The following SAXO1 variants were observed in gnomAD, a reference collection of about 807,000 sequenced individuals.
SAXO1 encodes the protein 4930500O09Rik.
In SAXO1, 21 loss-of-function variants were observed where a neutral mutation model predicts 17.5. The observed-to-expected ratio is 1.20, with a 90% CI of 0.85 to 1.72. The LOEUF is 1.72. SAXO1 is among the 40% of genes most tolerant of loss of function. The pLI, the probability that SAXO1 is intolerant of heterozygous loss-of-function variation, is 0.00. For synonymous variants in SAXO1, 274 were observed against 216.5 expected, an observed-to-expected ratio of 1.27 and a Z score of -2.33; for missense variants, 843 against 596.0, an observed-to-expected ratio of 1.41 and a Z score of -4.32.
chr9:18,939,739 C>A (rs964221499), intron 3 of SAXO1, among the ~76,000 whole-genome samples: 1 of 151,860 alleles, frequency 6.6e-6, no homozygotes, highest in South Asian at 2.1e-4. Context: ...GGGTTTTTAT[C>A]GTAATAGGAT....
At chr9:19,037,505 A>G (rs1835970806), upstream of SAXO1, among the ~76,000 whole-genome samples, 1 of 152,200 alleles carries the variant, frequency 6.6e-6, no homozygotes, top group South Asian at 2.1e-4. Context: ...AGTAAGTCTC[A>G]CAAGTTCTGA....
chr9:19,040,486 T>C (rs968971678), intron 1 of SAXO1, among the ~76,000 whole-genome samples: 2 of 151,778 alleles, frequency 1.3e-5, no homozygotes, highest in Admixed American at 6.6e-5. Context: ...CTACTAAAAA[T>C]ACAAAAAATT....
At chr9:19,024,879 G>A (rs1352163379) in intron 1 of SAXO1, among the ~76,000 whole-genome samples, 2 of 152,038 alleles carry the variant, frequency 1.3e-5, no homozygotes, top group Admixed American at 6.5e-5. Context: ...ATCAATGGAG[G>A]GAATGACGTT....
At chr9:18,941,285 A>G (rs1831543913) in intron 3 of SAXO1, among the ~76,000 whole-genome samples, 1 of 143,324 alleles carries the variant, frequency 7.0e-6, no homozygotes, top group African/African-American at 2.7e-5. Context: ...GTCTCTGTCA[A>G]CAACTACTCA....
intron 2 of SAXO1, 91 bp downstream of exon 2, chr9:18,950,667 C>G: frequency 1.7e-6 from 2 of 1,151,234 alleles, no homozygotes. Context: ...TGCATTAGCA[C>G]TGCACATTAC....
intron 1 of SAXO1, among the ~76,000 whole-genome samples, chr9:19,040,979 A>C (rs941036893): frequency 2.1e-5 from 3 of 144,026 alleles, no homozygotes; most frequent in African/African-American, 8.6e-5. Context: ...AGGGCATCCA[A>C]ATTGGAAAAA....
intron 1 of SAXO1, among the ~76,000 whole-genome samples, chr9:18,999,130 T>C (rs1834137899): frequency 6.6e-6 from 1 of 152,240 alleles, no homozygotes; most frequent in South Asian, 2.1e-4. Flanking sequence ...GTAAATGGGC[T>C]AAATGCTCCA....
At chr9:18,966,273 T>G (rs1039884952) in intron 1 of SAXO1, among the ~76,000 whole-genome samples, 1 of 152,214 alleles carries the variant, frequency 6.6e-6, no homozygotes, top group Non-Finnish European at 1.5e-5. Context: ...TTCCTGAATT[T>G]GAATGTTGGC....
At chr9:19,022,569 G>C (rs1431516232) in intron 1 of SAXO1, among the ~76,000 whole-genome samples, 1 of 152,164 alleles carries the variant, frequency 6.6e-6, no homozygotes, top group Non-Finnish European at 1.5e-5. Flanking sequence ...ACTTGAAAGA[G>C]AAATTGGACC....
chr9:19,011,965 C>G (rs1834755382), intron 1 of SAXO1, among the ~76,000 whole-genome samples: 1 of 151,890 alleles, frequency 6.6e-6, no homozygotes, highest in African/African-American at 2.4e-5. Flanking sequence ...CCTGCCTCAG[C>G]CTCCCAAGTA....
chr9:19,048,474 C>T (rs151052016), intron 1 of SAXO1, among the ~76,000 whole-genome samples: 23 of 151,982 alleles, frequency 1.5e-4, no homozygotes, highest in Non-Finnish European at 3.2e-4. Flanking sequence ...AAAAAAAGGA[C>T]TTTAAGGTAG....
At chr9:18,952,148 G>T (rs1490544817) in intron 1 of SAXO1, among the ~76,000 whole-genome samples, 1 of 152,142 alleles carries the variant, frequency 6.6e-6, no homozygotes, top group Non-Finnish European at 1.5e-5. Flanking sequence ...TATCAATTTT[G>T]TGTGTGCCCA....
At chr9:18,983,281 G>A (rs1252581765) in intron 1 of SAXO1, among the ~76,000 whole-genome samples, 2 of 152,114 alleles carry the variant, frequency 1.3e-5, no homozygotes, top group Non-Finnish European at 2.9e-5. Flanking sequence ...TTACATGGCA[G>A]CAGGAGACAG....
At chr9:19,023,987 G>C (rs1460785436) in intron 1 of SAXO1, among the ~76,000 whole-genome samples, 1 of 93,586 alleles carries the variant, frequency 1.1e-5, no homozygotes, top group Non-Finnish European at 2.0e-5. Flanking sequence ...TTTTAAAAAA[G>C]AAGAAGAAAT....
chr9:18,983,817 C>T (rs751711699), intron 1 of SAXO1, among the ~76,000 whole-genome samples: 18 of 152,152 alleles, frequency 1.2e-4, no homozygotes, highest in Non-Finnish European at 2.5e-4. Flanking sequence ...TTCTTAATGG[C>T]GTCTAGAATG....
At chr9:18,989,181 T>C (rs1278242710) in intron 1 of SAXO1, among the ~76,000 whole-genome samples, 2 of 152,212 alleles carry the variant, frequency 1.3e-5, no homozygotes, top group Non-Finnish European at 2.9e-5. Context: ...AGAATGGCTC[T>C]GAGACTAGCA....
chr9:18,983,856 G>C (rs1833491214), intron 1 of SAXO1, among the ~76,000 whole-genome samples: 1 of 152,172 alleles, frequency 6.6e-6, no homozygotes, highest in African/African-American at 2.4e-5. Context: ...GCCAATACCA[G>C]TCAATGCCTG....
intron 1 of SAXO1, among the ~76,000 whole-genome samples, chr9:18,981,638 A>T (rs1833388443): frequency 6.6e-6 from 1 of 152,206 alleles, no homozygotes; most frequent in African/African-American, 2.4e-5. Flanking sequence ...TCTTTAGAAC[A>T]GGCATTCACA....
At chr9:19,031,784 C>G (rs1216341256) in intron 1 of SAXO1, among the ~76,000 whole-genome samples, 1 of 152,144 alleles carries the variant, frequency 6.6e-6, no homozygotes, top group Non-Finnish European at 1.5e-5. Flanking sequence ...GCCTGAGCAA[C>G]TGATAGTTTT....
Sources: gnomAD v4.1 joint callset for allele counts (sites outside exome capture counted in the v4.1 genomes callset) on GRCh38, gnomAD v4.1.1 for gene constraint, MANE v1.5 for transcripts, NCBI Gene and HGNC (gene_info 2026-07-23, HGNC 2026-07-21) for gene names.